Variants in C2CD5 observed in about 807,000 individuals in gnomAD.
C2CD5 encodes C2 calcium dependent domain containing 5, also known as C2 domain-containing protein 5.
Under a neutral mutation model 130.3 loss-of-function variants are expected in C2CD5, and 109 were observed. That is an observed-to-expected ratio of 0.84 (90% confidence interval 0.72 to 0.98). The LOEUF (loss-of-function observed/expected upper bound fraction) is 0.98. C2CD5 is among the 50% of genes least tolerant of loss of function. C2CD5 has a pLI of 0.00. For synonymous variants in C2CD5, 454 were observed against 429.2 expected, an observed-to-expected ratio of 1.06 and a Z score of -0.71; for missense variants, 996 against 1,261.8, an observed-to-expected ratio of 0.79 and a Z score of 3.19.
chr12:22,512,556 C>T (rs1401501413), intron 9 of C2CD5: 2 of 952,768 alleles, frequency 2.1e-6, no homozygotes, highest in African/African-American at 1.7e-5. Context: ...TCAACATTTG[C>T]TAAGATTAAA....
At position 22,469,797 on chromosome 12, in the gene C2CD5, TAGAAAGGCA is replaced by T; in HGVS notation, c.2447-11_2447-3del. ...AAAGTTCTTCATTATCTGTTGAGGCTAGAAAGGCAAGAAAATATCAGTTATTTAGTAATG... is the reference window on the plus strand; with the variant it reads ...AAAGTTCTTCATTATCTGTTGAGGCTAGAAAATATCAGTTATTTAGTAATG... On this transcript the variant is annotated splice_region_variant and splice_polypyrimidine_tract_variant and intron_variant, in intron 21 of 26. Coordinates refer to ENST00000446597, the MANE Select transcript of C2CD5 (RefSeq NM_001286176.2). 1 of 1,566,794 alleles carries T rather than the reference TAGAAAGGCA, an allele frequency of 6.4e-7. No homozygotes were observed. The highest frequency in any genetic ancestry group is 1.2e-5 in the South Asian group (1 of 85,594).
chr12:22,491,344 T>C (rs893643710), intron 11 of C2CD5, among the ~76,000 whole-genome samples: 2 of 152,148 alleles, frequency 1.3e-5, no homozygotes, highest in Non-Finnish European at 2.9e-5. Context: ...GTTGAATGCA[T>C]CTTGTAAGCT....
At chr12:22,477,760 T>G (rs1944067639) in intron 15 of C2CD5, among the ~76,000 whole-genome samples, 1 of 152,076 alleles carries the variant, frequency 6.6e-6, no homozygotes, top group Admixed American at 6.6e-5. Flanking sequence ...AAAGACTGAT[T>G]AAAGGAAATG....
rs1280945041 is a variant in C2CD5 at position 22,482,754 on chromosome 12, A to G, written c.1551-11T>C. ...TTTAAGCGACATAACCTGTAAAGGAAAATAAGTCAGTGAACAGTATTCTTG... is the reference window on the plus strand; with the variant it reads ...TTTAAGCGACATAACCTGTAAAGGAGAATAAGTCAGTGAACAGTATTCTTG... On this transcript the variant is annotated splice_polypyrimidine_tract_variant and intron_variant, in intron 13 of 26. Transcript: ENST00000446597. The G allele has an allele frequency of 1.2e-5, 19 of 1,607,206 alleles. No homozygotes were observed. Among genetic ancestry groups the G allele is most frequent in the Non-Finnish European group, 1.5e-5 (18 of 1,174,728 alleles).
chr12:22,493,322 C>T lies in C2CD5; in HGVS notation c.1163G>A (p.Arg388Gln), dbSNP rs1442219845. ...TCTGATTTCTGCCCACCATGCATCT[C>T]GAGTTTCTGGTTCATCTGAAAAATA... ...RIHNPDEPETRDAWWAEIRQE... is the reference protein window; with the variant it reads ...RIHNPDEPETQDAWWAEIRQE... Residue 388 changes from arginine (R) to glutamine (Q), a missense_variant, in exon 11 of 27, where the codon CGA (arginine) becomes CAA (glutamine). Arg to Gln is a conservative substitution (Grantham distance 43, BLOSUM62 1). Coordinates refer to ENST00000446597, the MANE Select transcript of C2CD5 (RefSeq NM_001286176.2). The T allele has an allele frequency of 3.1e-6, 5 of 1,605,924 alleles. No homozygotes were observed. The highest frequency in any genetic ancestry group is 8.5e-7 in the Non-Finnish European group (1 of 1,174,204).
In C2CD5 at chr12:22,524,509, T is replaced by C. The variant is rs988781598; in HGVS notation, c.564A>G (p.Ser188=). Residue 188 remains serine (S), a synonymous_variant, in exon 6 of 27, where the codon TCA becomes TCG. Coordinates refer to ENST00000446597, the MANE Select transcript of C2CD5 (RefSeq NM_001286176.2). ...AAATGAGTCTCTGTCTGGCCTCATT[T>C]GATGCCCTTGGTGTGCGAATTCGAT... ...WIDRIRTPRA[S]NEARQRLISL... 2 of 1,613,980 alleles carry C rather than the reference T, an allele frequency of 1.2e-6. No individual in the cohort carries two copies. The highest frequency in any genetic ancestry group is 2.7e-5 in the African/African-American group (2 of 74,940).
intron 3 of C2CD5, among the ~76,000 whole-genome samples, chr12:22,529,204 G>T (rs997940119): frequency 6.6e-6 from 1 of 152,168 alleles, no homozygotes; most frequent in African/African-American, 2.4e-5. Flanking sequence ...ATAATGAAAT[G>T]TTAAAATAAA....
intron 9 of C2CD5, 198 bp from the exon 10 acceptor site, chr12:22,507,017 T>C: frequency 2.3e-6 from 1 of 442,248 alleles, no homozygotes; most frequent in Non-Finnish European, 4.1e-6. Context: ...ATATACAATG[T>C]TATACAGAAT....
chr12:22,456,933 A>G, intron 25 of C2CD5, 38 bp downstream of exon 25: 1 of 1,357,136 alleles, frequency 7.4e-7, no homozygotes, highest in Non-Finnish European at 1.0e-6. Flanking sequence ...TCTTCAGAGA[A>G]AATTTTTTAA....
At chr12:22,511,724 G>A (rs1398702519) in intron 9 of C2CD5, among the ~76,000 whole-genome samples, 1 of 152,106 alleles carries the variant, frequency 6.6e-6, no homozygotes, top group African/African-American at 2.4e-5. Flanking sequence ...TTCCCTTAAA[G>A]TGAGATGGTT....
At chr12:22,505,968 G>C (rs549039109) in intron 10 of C2CD5, among the ~76,000 whole-genome samples, 8 of 152,068 alleles carry the variant, frequency 5.3e-5, no homozygotes, top group Non-Finnish European at 1.0e-4. Flanking sequence ...GCACAGTGCT[G>C]GGATCTGGGT....
intron 2 of C2CD5, among the ~76,000 whole-genome samples, chr12:22,535,723 C>T (rs1275409873): frequency 6.6e-6 from 1 of 152,126 alleles, no homozygotes; most frequent in African/African-American, 2.4e-5. Flanking sequence ...GATGATCAAC[C>T]TCATTCATAC....
At chr12:22,510,780 G>C (rs918388157) in intron 9 of C2CD5, among the ~76,000 whole-genome samples, 2 of 152,146 alleles carry the variant, frequency 1.3e-5, no homozygotes, top group African/African-American at 4.8e-5. Flanking sequence ...TTTCTTGACT[G>C]AAGGAACTAA....
intron 16 of C2CD5, among the ~76,000 whole-genome samples, chr12:22,473,084 C>G (rs763270300): frequency 3.3e-5 from 5 of 152,102 alleles, no homozygotes; most frequent in Admixed American, 6.6e-5. Context: ...ACAAAGACAT[C>G]ATAAGCAATC....
rs748385837 is a variant in C2CD5, at chr12:22,490,143, C to T, written c.1338G>A (p.Val446=). The T allele has an allele frequency of 1.9e-6, 3 of 1,613,414 alleles. No individual in the cohort carries two copies. The highest frequency in any genetic ancestry group is 1.1e-5 in the South Asian group (1 of 91,062). Residue 446 remains valine, a synonymous_variant, in exon 12 of 27, where the codon GTG becomes GTA. Coordinates refer to ENST00000446597, the MANE Select transcript of C2CD5 (RefSeq NM_001286176.2). ...ACAACCTCTGTTCCAAACAGCCTTCCACGGTGCCATCCTGCAGAAATCTAG... is the reference window on the plus strand; with the variant it reads ...ACAACCTCTGTTCCAAACAGCCTTCTACGGTGCCATCCTGCAGAAATCTAG... ...LNPRFLQDGT[V]EGCLEQRLEE... is the part of the protein sequence containing the mutation.
intron 22 of C2CD5, chr12:22,460,390 A>T (rs1940862569): frequency 6.6e-6 from 1 of 152,214 alleles, no homozygotes; most frequent in Admixed American, 6.5e-5. Flanking sequence ...CGGTTGGCTT[A>T]GTATAGTATA....
chr12:22,524,304 TAA>T (rs888090247), intron 6 of C2CD5, among the ~76,000 whole-genome samples, 166 bp downstream of exon 6: 6 of 152,156 alleles, frequency 3.9e-5, no homozygotes, highest in Non-Finnish European at 7.4e-5. Flanking sequence ...TTCCACTTGT[TAA>T]AAGAGGGCAA....
At chr12:22,452,362 GT>G in intron 26 of C2CD5, among the ~76,000 whole-genome samples, 1 of 151,902 alleles carries the variant, frequency 6.6e-6, no homozygotes. Context: ...AGCCCTCCTG[GT>G]TTCCCTCCCG....
intron 24 of C2CD5, among the ~76,000 whole-genome samples, 180 bp downstream of exon 24, chr12:22,458,304 A>G (rs1940387385): frequency 6.6e-6 from 1 of 152,202 alleles, no homozygotes. Context: ...GGTAAAACTA[A>G]TAAATCTAAA....
Sources: allele counts gnomAD v4.1 joint callset (sites outside exome capture counted in the v4.1 genomes callset), GRCh38; gene constraint gnomAD v4.1.1; transcripts MANE v1.5; gene names NCBI Gene and HGNC (gene_info 2026-07-23, HGNC 2026-07-21).